Variants in RPS6KC1 observed in about 807,000 individuals in gnomAD.
RPS6KC1 encodes the protein inactive ribosomal protein S6 kinase delta-1.
Under a neutral mutation model 103.8 loss-of-function variants are expected in RPS6KC1, and 54 were observed. The ratio of observed to expected loss-of-function variants is 0.52; its 90% CI spans 0.42 to 0.65. RPS6KC1 has a LOEUF of 0.65. Ranked by LOEUF, RPS6KC1 falls within the 30% of genes least tolerant of loss-of-function variation. RPS6KC1 has a pLI of 0.00. For missense variants in RPS6KC1, 1,151 were observed against 1,253.8 expected (o/e 0.92, Z 1.24); for synonymous variants, 439 against 438.7 (o/e 1.00, Z -0.01).
At chr1:213,224,945 G>T (rs921180682) in intron 8 of RPS6KC1, among the ~76,000 whole-genome samples, 8 of 152,214 alleles carry the variant, frequency 5.3e-5, no homozygotes, top group African/African-American at 1.7e-4. Flanking sequence ...AAATGCAGTC[G>T]TTTCTCTTTG....
the RPS6KC1 span, among the ~76,000 whole-genome samples, chr1:213,306,252 C>G: frequency 2.0e-5 from 3 of 152,030 alleles, no homozygotes; most frequent in Non-Finnish European, 4.4e-5. Context: ...CACTTAATTG[C>G]CAGGGATCAG....
chr1:213,490,068 C>T, the RPS6KC1 span, among the ~76,000 whole-genome samples: 2 of 152,108 alleles, frequency 1.3e-5, no homozygotes, highest in Non-Finnish European at 2.9e-5. Flanking sequence ...CAGTTAGTCT[C>T]TTAGTTAGGG....
At chr1:213,767,734 C>A in the RPS6KC1 span, among the ~76,000 whole-genome samples, 1 of 152,212 alleles carries the variant, frequency 6.6e-6, no homozygotes, top group Non-Finnish European at 1.5e-5. Flanking sequence ...TTCAGCAGCC[C>A]TCTTCATGGA....
At chr1:213,564,059 CTG>C in the RPS6KC1 span, among the ~76,000 whole-genome samples, 3 of 148,000 alleles carry the variant, frequency 2.0e-5, no homozygotes, top group Non-Finnish European at 4.5e-5. Context: ...GCATTTATTA[CTG>C]TTAGTAATGA....
At chr1:213,547,568 A>G in the RPS6KC1 span, among the ~76,000 whole-genome samples, 5 of 152,172 alleles carry the variant, frequency 3.3e-5, no homozygotes, top group African/African-American at 4.8e-5. Flanking sequence ...TCACACTGAA[A>G]TTTGATCACT....
chr1:213,257,786 C>CTTTTTTTTTTTT (rs71147062), intron 12 of RPS6KC1, among the ~76,000 whole-genome samples: 1 of 49,408 alleles, frequency 2.0e-5, no homozygotes, highest in South Asian at 1.2e-3. Flanking sequence ...ACAGGTAAAA[C>CTTTTTTTTTTTT]TTTTTTTTTT....
intron 9 of RPS6KC1, 91 bp from the exon 10 acceptor site, chr1:213,232,032 T>G: frequency 6.7e-7 from 1 of 1,493,884 alleles, no homozygotes; most frequent in Non-Finnish European, 9.2e-7. Flanking sequence ...TCGGATAGAT[T>G]AGTTTGGTTG....
the RPS6KC1 span, among the ~76,000 whole-genome samples, chr1:213,611,272 G>T: frequency 6.6e-6 from 1 of 152,084 alleles, no homozygotes; most frequent in Non-Finnish European, 1.5e-5. Context: ...TAACCCATCT[G>T]CTTGGAAATT....
intron 3 of RPS6KC1, among the ~76,000 whole-genome samples, chr1:213,088,113 A>G (rs1427424863): frequency 1.3e-5 from 2 of 152,172 alleles, no homozygotes; most frequent in African/African-American, 2.4e-5. Flanking sequence ...CAGCCTTGGC[A>G]TGCTTGAATT....
chr1:213,734,923 TTG>T, the RPS6KC1 span, among the ~76,000 whole-genome samples: 389 of 150,334 alleles, frequency 2.6e-3, 3 homozygotes, highest in African/African-American at 8.9e-3. Context: ...GTTGTTGTTG[TTG>T]TTTGTTGTTG....
chr1:213,559,787 C>G, the RPS6KC1 span, among the ~76,000 whole-genome samples: 14 of 152,088 alleles, frequency 9.2e-5, no homozygotes, highest in South Asian at 2.1e-4. Flanking sequence ...TAAACATAAT[C>G]AGGTAAAATT....
At chr1:213,165,135 A>G (rs562386799) in intron 6 of RPS6KC1, among the ~76,000 whole-genome samples, 69 of 152,320 alleles carry the variant, frequency 4.5e-4, no homozygotes, top group African/African-American at 1.4e-3. Flanking sequence ...TCAGGAGCAG[A>G]AATCTTCAAG....
chr1:213,488,644 A>G, the RPS6KC1 span, among the ~76,000 whole-genome samples: 2 of 152,238 alleles, frequency 1.3e-5, no homozygotes, highest in Non-Finnish European at 2.9e-5. Flanking sequence ...GCGAATTGCT[A>G]AGCACCTGGA....
At chr1:213,730,736 G>C in the RPS6KC1 span, among the ~76,000 whole-genome samples, 1 of 152,150 alleles carries the variant, frequency 6.6e-6, no homozygotes, top group Non-Finnish European at 1.5e-5. Flanking sequence ...TGTTTATTCT[G>C]TTGATAGTTT....
the RPS6KC1 span, among the ~76,000 whole-genome samples, chr1:213,663,588 C>T: frequency 6.6e-6 from 1 of 152,184 alleles, no homozygotes; most frequent in Non-Finnish European, 1.5e-5. Flanking sequence ...TGAAGCATCC[C>T]TTGTTCAAAA....
chr1:213,143,999 A>G (rs2087413636), intron 6 of RPS6KC1, among the ~76,000 whole-genome samples: 1 of 152,056 alleles, frequency 6.6e-6, no homozygotes, highest in African/African-American at 2.4e-5. Flanking sequence ...AGTGATCCTC[A>G]GCCAGGAAAG....
At chr1:213,132,778 G>A (rs937206183) in intron 6 of RPS6KC1, among the ~76,000 whole-genome samples, 1 of 152,118 alleles carries the variant, frequency 6.6e-6, no homozygotes, top group Non-Finnish European at 1.5e-5. Flanking sequence ...AATAAAATAA[G>A]TATTTCTGGA....
the RPS6KC1 span, among the ~76,000 whole-genome samples, chr1:213,835,125 C>A: frequency 1.3e-5 from 2 of 152,168 alleles, no homozygotes; most frequent in Non-Finnish European, 1.5e-5. Context: ...AGTCAGTGTC[C>A]ACATGACAAG....
the RPS6KC1 span, among the ~76,000 whole-genome samples, chr1:213,581,017 A>T: frequency 6.6e-6 from 1 of 152,068 alleles, no homozygotes; most frequent in African/African-American, 2.4e-5. Context: ...GATTTTATAT[A>T]AGGGACCTGA....
Sources: allele counts gnomAD v4.1 joint callset (sites outside exome capture counted in the v4.1 genomes callset), GRCh38; gene constraint gnomAD v4.1.1; transcripts MANE v1.5; gene names NCBI Gene and HGNC (gene_info 2026-07-23, HGNC 2026-07-21).